The following GRM1 variants were observed in gnomAD, a reference collection of about 807,000 sequenced individuals.
The protein encoded by GRM1 is metabotropic glutamate receptor 1.
GRM1 carries 33 observed loss-of-function variants against 90.9 expected under a neutral mutation model. That is an observed-to-expected ratio of 0.36 (90% CI 0.28 to 0.49). GRM1 has a LOEUF of 0.49. Among genes scored for constraint, GRM1 ranks in the 20% least tolerant of loss-of-function variants. GRM1 has a pLI of 0.99. For missense variants in GRM1, 1,190 were observed against 1,534.3 expected (o/e 0.78, Z 3.75); for synonymous variants, 700 against 613.2 (o/e 1.14, Z -2.09).
intron 1 of GRM1, among the ~76,000 whole-genome samples, chr6:146,148,323 C>A (rs1218226143): frequency 6.6e-6 from 1 of 151,950 alleles, no homozygotes; most frequent in Non-Finnish European, 1.5e-5. Context: ...ATTCTATCGT[C>A]TAAATAAAAC....
chr6:146,186,751 T>C (rs1778747028), intron 2 of GRM1, among the ~76,000 whole-genome samples: 1 of 152,354 alleles, frequency 6.6e-6, no homozygotes, highest in South Asian at 2.1e-4. Context: ...TGTACTAAAT[T>C]AGTTTCTGGT....
intron 1 of GRM1, among the ~76,000 whole-genome samples, chr6:146,079,317 A>G (rs1009370353): frequency 1.1e-4 from 17 of 152,124 alleles, no homozygotes; most frequent in Non-Finnish European, 2.5e-4. Context: ...CGGATGTGTG[A>G]TATGTGAGAT....
intron 2 of GRM1, among the ~76,000 whole-genome samples, chr6:146,217,813 T>C (rs552305789): frequency 6.6e-6 from 1 of 150,554 alleles, no homozygotes; most frequent in Non-Finnish European, 1.5e-5. Context: ...GCATCAAGAA[T>C]AGAGGAATAT....
chr6:146,030,034 A>C lies in GRM1; in HGVS notation c.517A>C (p.Asn173His), dbSNP rs1404763461. The stretch of plus-strand genomic sequence containing the variant: ...CAGCTCTGTAGCCATTCAAGTGCAG[A>C]ACCTGCTCCAGCTCTTCGACATCCC... ...GSSSVAIQVQ[N>H]LLQLFDIPQI... Residue 173 changes from asparagine to histidine, a missense_variant, in exon 1 of 8, where the codon AAC becomes CAC. This residue lies in a region of GRM1 where 46 missense variants were observed against 116.1 expected (regional missense o/e 0.40). Coordinates refer to ENST00000282753, the MANE Select transcript of GRM1 (RefSeq NM_001278064.2). The C allele has an allele frequency of 1.9e-6, 3 of 1,614,184 alleles. No individual in the cohort carries two copies. The highest frequency in any genetic ancestry group is 1.1e-5 in the South Asian group (1 of 91,086).
intron 5 of GRM1, among the ~76,000 whole-genome samples, chr6:146,358,504 G>A (rs572905432): frequency 6.6e-6 from 1 of 152,276 alleles, no homozygotes; most frequent in East Asian, 1.9e-4. Flanking sequence ...TCATCTTGAG[G>A]CACAGACAGG....
Position 146,433,734 on chromosome 6 carries a change from T to C in GRM1, c.2661-138T>C, listed in dbSNP as rs1045581482. 2.2e-4 allele frequency: 151 copies of C among 696,942 alleles called. 1 individual carries two copies. The highest frequency in any genetic ancestry group is 6.2e-5 in the Non-Finnish European group (24 of 387,574). The allele number at this position is 696,942 out of a possible 1,614,324, so 43.2% of individuals were successfully genotyped here. On this transcript the variant is annotated intron_variant, in intron 7 of 7. Coordinates refer to ENST00000282753, the MANE Select transcript of GRM1 (RefSeq NM_001278064.2). ...TTGGTGTTCTTTTTGTAAGAGGAGG[T>C]ATGGGGTGCTGGAGCAAAGGCCTAC...
chr6:146,208,968 A>G (rs1363361646), intron 2 of GRM1, among the ~76,000 whole-genome samples: 3 of 152,184 alleles, frequency 2.0e-5, no homozygotes, highest in South Asian at 2.1e-4. Flanking sequence ...TAAAAATATT[A>G]ATGATACATA....
chr6:146,173,914 C>A (rs552862372), intron 2 of GRM1, among the ~76,000 whole-genome samples: 1 of 152,142 alleles, frequency 6.6e-6, no homozygotes, highest in East Asian at 1.9e-4. Context: ...CCTTCGCTTC[C>A]CAAAGTGCTA....
chr6:146,373,570 A>G (rs891343675), intron 5 of GRM1, among the ~76,000 whole-genome samples: 1 of 152,112 alleles, frequency 6.6e-6, no homozygotes, highest in Non-Finnish European at 1.5e-5. Flanking sequence ...ACAATTTGAT[A>G]TGAGATTTGG....
At chr6:146,143,584 T>A (rs912372741) in intron 1 of GRM1, among the ~76,000 whole-genome samples, 1 of 152,214 alleles carries the variant, frequency 6.6e-6, no homozygotes, top group African/African-American at 2.4e-5. Context: ...AGTGACTGCA[T>A]ACCTAAAAAT....
chr6:146,136,270 G>A (rs1382252210), intron 1 of GRM1, among the ~76,000 whole-genome samples: 1 of 152,116 alleles, frequency 6.6e-6, no homozygotes, highest in African/African-American at 2.4e-5. Context: ...TCAATATACC[G>A]TTTTCTTTTC....
Position 146,434,562 on chromosome 6 carries a change from G to C in GRM1, c.3351G>C (p.Gly1117=). 6.2e-7 allele frequency: 1 copy of C among 1,614,088 alleles called. No homozygotes were observed. Among genetic ancestry groups the C allele is most frequent in the South Asian group, 1.1e-5 (1 of 91,076 alleles). ...ACGTGTATGAGCACGAGCGGGAAGG[G>C]AACACGGAAGAAGACGAACTGGAAG... ...QEYVYEHERE[G]NTEEDELEEE... The change falls in exon 8 of 8, where the codon GGG becomes GGC. Residue 1117 remains glycine, a synonymous_variant. Transcript: ENST00000282753.
At chr6:146,064,268 T>G (rs1255997419) in intron 1 of GRM1, among the ~76,000 whole-genome samples, 1 of 152,220 alleles carries the variant, frequency 6.6e-6, no homozygotes, top group Non-Finnish European at 1.5e-5. Flanking sequence ...GTATAATTAA[T>G]GTAAGGATTG....
chr6:146,127,058 C>A (rs183525430), intron 1 of GRM1, among the ~76,000 whole-genome samples: 158 of 152,292 alleles, frequency 1.0e-3, no homozygotes, highest in African/African-American at 3.6e-3. Flanking sequence ...TGAAAAGAGC[C>A]CATGTAAGTG....
chr6:146,433,423 G>T (rs1778481400), intron 7 of GRM1, among the ~76,000 whole-genome samples: 1 of 152,026 alleles, frequency 6.6e-6, no homozygotes, highest in South Asian at 2.1e-4. Flanking sequence ...TTGTATGTGG[G>T]TCCTAATTTG....
At position 146,435,023 on chromosome 6, in the gene GRM1, G is replaced by C; in HGVS notation, c.*227G>C. The stretch of plus-strand genomic sequence containing the variant: ...CAGGATTCGGATTCTTGAATTACTC[G>C]AAGCCTTCTCTGGGAAGAAAGGGAA... On this transcript the variant is annotated 3_prime_UTR_variant, in exon 8 of 8. Transcript: ENST00000282753. 9.9e-6 allele frequency: 6 copies of C among 607,886 alleles called. No individual in the cohort carries two copies. Among genetic ancestry groups the C allele is most frequent in the Admixed American group, 2.8e-5 (1 of 35,492 alleles). The allele number at this position is 607,886 out of a possible 1,614,324, so 37.7% of individuals were successfully genotyped here.
intron 2 of GRM1, among the ~76,000 whole-genome samples, chr6:146,284,169 CA>C (rs1320022600): frequency 9.2e-5 from 14 of 152,092 alleles, no homozygotes; most frequent in African/African-American, 3.4e-4. Flanking sequence ...TGAGAAGACT[CA>C]TAGTCACACA....
chr6:146,114,049 T>C (rs1244743124), intron 1 of GRM1, among the ~76,000 whole-genome samples: 5 of 152,182 alleles, frequency 3.3e-5, no homozygotes, highest in African/African-American at 7.2e-5. Flanking sequence ...AATTACTATA[T>C]TTGTTGACAC....
At chr6:146,208,138 A>G (rs112068467) in intron 2 of GRM1, among the ~76,000 whole-genome samples, 138 of 152,286 alleles carry the variant, frequency 9.1e-4, no homozygotes, top group African/African-American at 3.2e-3. Flanking sequence ...AGGGCTGAGT[A>G]AAATAGAAGG....
Sources: allele counts gnomAD v4.1 joint callset (sites outside exome capture counted in the v4.1 genomes callset), GRCh38; gene constraint gnomAD v4.1.1; regional missense constraint gnomAD v4.1.1; transcripts MANE v1.5; gene names NCBI Gene and HGNC (gene_info 2026-07-23, HGNC 2026-07-21).